Variants in TTC23L observed in about 807,000 individuals in gnomAD.
TTC23L encodes the protein tetratricopeptide repeat domain 23 like, also known as tetratricopeptide repeat protein 23-like.
TTC23L carries 42 observed loss-of-function variants against 48.1 expected under a neutral mutation model. That is an observed-to-expected ratio of 0.87 (90% confidence interval 0.68 to 1.13). The LOEUF is 1.13. Ranked by LOEUF, TTC23L falls within the 50% of genes most tolerant of loss-of-function variation. TTC23L has a pLI of 0.00. For synonymous variants in TTC23L, 159 were observed against 157.2 expected (o/e 1.01, Z -0.09); for missense variants, 391 against 421.0 (o/e 0.93, Z 0.62).
intron 8 of TTC23L, among the ~76,000 whole-genome samples, chr5:34,872,891 C>A (rs147542697): frequency 6.2e-4 from 94 of 151,988 alleles, no homozygotes; most frequent in African/African-American, 2.1e-3. Flanking sequence ...GGTGAAACCG[C>A]GTTTCTACTA....
chr5:34,895,780 A>G (rs972827629), intron 9 of TTC23L, among the ~76,000 whole-genome samples: 1 of 152,224 alleles, frequency 6.6e-6, no homozygotes, highest in Admixed American at 6.5e-5. Flanking sequence ...AAGGAAAAAG[A>G]AAGGAGGTGA....
exon 9 of TTC23L, chr5:34,880,181 A>C (rs1364949573): frequency 6.2e-7 from 1 of 1,605,180 alleles, no homozygotes; most frequent in Non-Finnish European, 8.5e-7. Flanking sequence ...ATTTTTCCAG[A>C]TGCTGTTGAG....
intron 3 of TTC23L, 63 bp from the exon 4 acceptor site, chr5:34,850,122 A>G (rs1759543109): frequency 1.3e-6 from 2 of 1,575,028 alleles, no homozygotes; most frequent in Admixed American, 3.5e-5. Flanking sequence ...TTCCAGTGAT[A>G]AGTCCATGGG....
At chr5:34,925,513 T>G in the TTC23L span, 3 of 1,595,478 alleles carry the variant, frequency 1.9e-6, no homozygotes, top group Non-Finnish European at 2.6e-6. Context: ...GAAACCTGAT[T>G]TGTTTTTCAG....
At chr5:34,914,366 T>G in the TTC23L span, 1 of 325,480 alleles carries the variant, frequency 3.1e-6, no homozygotes, top group Admixed American at 4.7e-5. Context: ...GAACCTACCT[T>G]ACAGGACTAT....
At chr5:34,895,591 TCTC>T (rs1763169974) in intron 9 of TTC23L, among the ~76,000 whole-genome samples, 2 of 152,192 alleles carry the variant, frequency 1.3e-5, no homozygotes, top group Non-Finnish European at 2.9e-5. Flanking sequence ...ACCATCCTTT[TCTC>T]CTCATAAGAG....
At chr5:34,887,750 T>C (rs1178807078) in intron 9 of TTC23L, among the ~76,000 whole-genome samples, 1 of 152,106 alleles carries the variant, frequency 6.6e-6, no homozygotes, top group African/African-American at 2.4e-5. Flanking sequence ...CAGGACAAAG[T>C]AGAGATTCAG....
rs1249098248 is a variant in TTC23L at position 34,868,809 on chromosome 5, A to T, written c.841-96A>T. ...TACTTGCACAAGACTCATAGCTAGG[A>T]AGTGGCAGAGCTGGGACTCAAACTC... On this transcript the variant is annotated intron_variant, in intron 7 of 10. Transcript: ENST00000505624. 7 of 951,522 alleles carry T rather than the reference A, an allele frequency of 7.4e-6. No individual in the cohort carries two copies. The East Asian group carries it at 1.9e-4, about 25-fold the overall frequency. The allele number at this position is 951,522 out of a possible 1,614,324, so 58.9% of individuals were successfully genotyped here. A position where few individuals can be genotyped will look rare whatever the true frequency, so the allele number is the denominator to read the frequency against.
At chr5:34,853,397 G>T (rs540664197) in intron 4 of TTC23L, among the ~76,000 whole-genome samples, 16 of 152,230 alleles carry the variant, frequency 1.1e-4, no homozygotes, top group African/African-American at 3.6e-4. Flanking sequence ...CAAGTGTAGT[G>T]GTGTGTGCCT....
At chr5:34,881,842 C>T (rs1255725565) in intron 9 of TTC23L, among the ~76,000 whole-genome samples, 1 of 151,134 alleles carries the variant, frequency 6.6e-6, no homozygotes, top group Non-Finnish European at 1.5e-5. Flanking sequence ...CAGCTCACTG[C>T]AACCTCTGCC....
At chr5:34,880,052 G>T in intron 8 of TTC23L, 129 bp from the exon 9 acceptor site, 1 of 1,125,926 alleles carries the variant, frequency 8.9e-7, no homozygotes. Flanking sequence ...CTTTTAAAGA[G>T]TCCTTATGAG....
At chr5:34,839,194 A>T (rs1413554394) in exon 1 of TTC23L, 1 of 152,704 alleles carries the variant, frequency 6.5e-6, no homozygotes, top group East Asian at 1.9e-4. Flanking sequence ...TGGGCTGCGG[A>T]AGGTAACTGG....
the TTC23L span, chr5:34,914,725 T>C: frequency 4.1e-5 from 66 of 1,612,546 alleles, 2 homozygotes; most frequent in Admixed American, 5.0e-5. Flanking sequence ...GCACACACTT[T>C]GCATTTTCCA....
chr5:34,893,583 T>C lies in TTC23L; in HGVS notation c.1078-3187T>C, dbSNP rs144579403. Among the ~76,000 whole-genome samples the C allele has an allele frequency of 1.9e-3, 297 of 152,346 alleles. 2 individuals are homozygous for C. The highest frequency in any genetic ancestry group is 6.8e-3 in the African/African-American group (282 of 41,592). On this transcript the variant is annotated intron_variant, in intron 9 of 10. Coordinates refer to ENST00000505624, the Ensembl canonical transcript of TTC23L. The stretch of plus-strand genomic sequence containing the variant: ...GCTCAAATTTGAGCTTTCCCACTTA[T>C]AGTGAGACTTCCTAAGGCTTACTTT...
intron 1 of TTC23L, among the ~76,000 whole-genome samples, chr5:34,840,240 G>C (rs1363534619): frequency 1.4e-5 from 2 of 141,574 alleles, no homozygotes; most frequent in Admixed American, 6.8e-5. Flanking sequence ...ATGACCCCGG[G>C]GGGGGGGGGG....
the TTC23L span, chr5:34,922,404 T>C: frequency 1.1e-6 from 1 of 898,706 alleles, no homozygotes; most frequent in Non-Finnish European, 1.7e-6. Context: ...AGCAAACTTT[T>C]GATTTCACGA....
chr5:34,891,505 CT>C (rs1762864299), intron 9 of TTC23L, among the ~76,000 whole-genome samples: 1 of 152,188 alleles, frequency 6.6e-6, no homozygotes, highest in Admixed American at 6.5e-5. Context: ...AGAAGATTGC[CT>C]TTTGCTTTCA....
intron 9 of TTC23L, among the ~76,000 whole-genome samples, chr5:34,888,010 A>G (rs954734457): frequency 6.6e-6 from 1 of 152,180 alleles, no homozygotes; most frequent in Non-Finnish European, 1.5e-5. Flanking sequence ...TTGAAACCTA[A>G]TCTTCGATGT....
chr5:34,905,374 G>A, the TTC23L span: 2 of 152,214 alleles, frequency 1.3e-5, no homozygotes, highest in Non-Finnish European at 2.9e-5. Context: ...CCCCACTGTT[G>A]AGAGTGCCAC....
Sources: gnomAD v4.1 joint callset for allele counts (sites outside exome capture counted in the v4.1 genomes callset) on GRCh38, gnomAD v4.1.1 for gene constraint, MANE v1.5 for transcripts, NCBI Gene and HGNC (gene_info 2026-07-23, HGNC 2026-07-21) for gene names.